Variants in SGCZ observed in about 807,000 individuals in gnomAD.
SGCZ encodes the protein sarcoglycan zeta.
In SGCZ, 40 loss-of-function variants were observed where a neutral mutation model predicts 41.3. That is an observed-to-expected ratio of 0.97 (90% CI 0.75 to 1.26). SGCZ has a LOEUF of 1.26. Ranked by LOEUF, SGCZ falls within the 50% of genes most tolerant of loss-of-function variation. SGCZ has a pLI of 0.00. For synonymous variants in SGCZ, 206 were observed against 137.5 expected, an observed-to-expected ratio of 1.50 and a Z score of -3.49; for missense variants, 552 against 369.8, an observed-to-expected ratio of 1.49 and a Z score of -4.04.
intron 1 of SGCZ, among the ~76,000 whole-genome samples, chr8:14,668,763 G>T (rs1050035326): frequency 1.3e-5 from 2 of 152,044 alleles, no homozygotes; most frequent in Non-Finnish European, 2.9e-5. Context: ...CATCATGCAG[G>T]ATTATTACTA....
intron 1 of SGCZ, among the ~76,000 whole-genome samples, chr8:15,227,135 C>T (rs1330218773): frequency 6.6e-6 from 1 of 152,080 alleles, no homozygotes; most frequent in Non-Finnish European, 1.5e-5. Context: ...CCATACATAA[C>T]CGGGCATCAT....
intron 1 of SGCZ, among the ~76,000 whole-genome samples, chr8:15,069,831 T>C (rs1049345805): frequency 6.6e-6 from 1 of 152,180 alleles, no homozygotes; most frequent in African/African-American, 2.4e-5. Flanking sequence ...ACTTTCTACT[T>C]TTCTTATTTC....
chr8:14,110,522 G>T (rs1043988833), intron 5 of SGCZ, among the ~76,000 whole-genome samples: 1 of 152,010 alleles, frequency 6.6e-6, no homozygotes, highest in Non-Finnish European at 1.5e-5. Context: ...ATTTTTAAAG[G>T]ATTCTTGAAG....
intron 4 of SGCZ, among the ~76,000 whole-genome samples, chr8:14,184,952 T>C (rs187112731): frequency 1.3e-5 from 2 of 152,372 alleles, no homozygotes; most frequent in Non-Finnish European, 2.9e-5. Context: ...TTTTTTATCA[T>C]TATGTCTCTA....
intron 1 of SGCZ, among the ~76,000 whole-genome samples, chr8:14,698,631 G>C (rs1809039461): frequency 6.6e-6 from 1 of 151,732 alleles, no homozygotes; most frequent in African/African-American, 2.4e-5. Context: ...CATATGTGTG[G>C]GGGGGTATAA....
chr8:14,611,300 C>G (rs889984384), intron 1 of SGCZ, among the ~76,000 whole-genome samples: 3 of 145,416 alleles, frequency 2.1e-5, no homozygotes, highest in Non-Finnish European at 4.5e-5. Flanking sequence ...TTCACTATCT[C>G]AAATGGAGAG....
At chr8:14,165,128 A>G (rs1804169332) in intron 4 of SGCZ, 1 of 156,002 alleles carries the variant, frequency 6.4e-6, no homozygotes, top group African/African-American at 2.4e-5. Context: ...TGCTTGCTAC[A>G]TCACGGAGGA....
At chr8:14,615,619 C>A (rs538631257) in intron 1 of SGCZ, among the ~76,000 whole-genome samples, 2 of 152,086 alleles carry the variant, frequency 1.3e-5, no homozygotes, top group Non-Finnish European at 2.9e-5. Flanking sequence ...AACATCACCC[C>A]GGAAGAACCC....
intron 1 of SGCZ, among the ~76,000 whole-genome samples, chr8:14,867,709 C>A (rs532420525): frequency 6.6e-6 from 1 of 151,960 alleles, no homozygotes; most frequent in Non-Finnish European, 1.5e-5. Context: ...TAAGTGGGAG[C>A]TAAGTGATGT....
intron 2 of SGCZ, among the ~76,000 whole-genome samples, chr8:14,351,341 T>A (rs1013418696): frequency 1.3e-5 from 2 of 152,118 alleles, no homozygotes; most frequent in African/African-American, 4.8e-5. Context: ...TGACAATTTT[T>A]TGGCCTAGTC....
At chr8:14,482,459 C>T (rs1372695014) in intron 2 of SGCZ, among the ~76,000 whole-genome samples, 1 of 152,126 alleles carries the variant, frequency 6.6e-6, no homozygotes, top group African/African-American at 2.4e-5. Context: ...CTTTAATCTC[C>T]CTTACCGCTC....
intron 1 of SGCZ, among the ~76,000 whole-genome samples, chr8:14,557,265 AC>A: frequency 7.1e-6 from 1 of 139,966 alleles, no homozygotes; most frequent in South Asian, 2.6e-4. Flanking sequence ...GTCCTTACCC[AC>A]TTTTTGATGG....
chr8:14,338,277 A>G (rs1484099995), intron 2 of SGCZ, among the ~76,000 whole-genome samples: 1 of 152,206 alleles, frequency 6.6e-6, no homozygotes, highest in Admixed American at 6.5e-5. Context: ...TCTCATTTCA[A>G]TGAAGGATTT....
At chr8:14,505,090 A>T (rs1802266045) in intron 2 of SGCZ, among the ~76,000 whole-genome samples, 1 of 152,128 alleles carries the variant, frequency 6.6e-6, no homozygotes, top group Admixed American at 6.6e-5. Context: ...TCACGACTGT[A>T]GTGGGCCGTG....
At chr8:14,108,975 A>C (rs987450371) in intron 5 of SGCZ, among the ~76,000 whole-genome samples, 2 of 152,162 alleles carry the variant, frequency 1.3e-5, no homozygotes, top group Non-Finnish European at 2.9e-5. Context: ...TCATGAATGA[A>C]AATGTGGAGG....
chr8:14,658,341 G>A (rs553655384), intron 1 of SGCZ, among the ~76,000 whole-genome samples: 1 of 152,268 alleles, frequency 6.6e-6, no homozygotes, highest in Non-Finnish European at 1.5e-5. Flanking sequence ...TAACTAGTCT[G>A]CTGCAATTGA....
chr8:14,641,306 T>G (rs1465034953), intron 1 of SGCZ, among the ~76,000 whole-genome samples: 1 of 151,718 alleles, frequency 6.6e-6, no homozygotes, highest in African/African-American at 2.4e-5. Flanking sequence ...ACATAAAAAT[T>G]CTTGATAAAG....
At chr8:14,205,467 T>C (rs561066750) in intron 4 of SGCZ, among the ~76,000 whole-genome samples, 1 of 152,204 alleles carries the variant, frequency 6.6e-6, no homozygotes, top group African/African-American at 2.4e-5. Context: ...ATGTTTCAGT[T>C]TTTTTATTTT....
chr8:14,256,479 T>G (rs966904073), intron 3 of SGCZ, among the ~76,000 whole-genome samples: 2 of 151,870 alleles, frequency 1.3e-5, no homozygotes, highest in African/African-American at 4.8e-5. Context: ...ATAACTTGCT[T>G]CATGCTTAAT....
Sources: gnomAD v4.1 joint callset for allele counts (sites outside exome capture counted in the v4.1 genomes callset) on GRCh38, gnomAD v4.1.1 for gene constraint, MANE v1.5 for transcripts, NCBI Gene and HGNC (gene_info 2026-07-23, HGNC 2026-07-21) for gene names.